The following TMEM19 variants were observed in gnomAD, a reference collection of about 807,000 sequenced individuals.
The protein encoded by TMEM19 is transmembrane protein 19.
TMEM19 carries 21 observed loss-of-function variants against 33.6 expected under a neutral mutation model. The observed-to-expected ratio is 0.62, with a 90% CI of 0.44 to 0.90. The LOEUF (loss-of-function observed/expected upper bound fraction) is 0.90. TMEM19 is among the 40% of genes least tolerant of loss of function. The pLI, the probability that TMEM19 is intolerant of heterozygous loss-of-function variation, is 0.00. For synonymous variants in TMEM19, 149 were observed against 147.5 expected, an observed-to-expected ratio of 1.01 and a Z score of -0.07; for missense variants, 402 against 401.8, an observed-to-expected ratio of 1.00 and a Z score of 0.00.
intron 1 of TMEM19, among the ~76,000 whole-genome samples, chr12:71,689,213 A>G (rs895980601): frequency 2.6e-5 from 4 of 152,060 alleles, no homozygotes; most frequent in African/African-American, 9.7e-5. Flanking sequence ...CCATATTTTT[A>G]CTCTACTTTT....
rs368170469 is a variant in TMEM19 at position 71,701,000 on chromosome 12, T to C, written c.*5T>C. The C allele has an allele frequency of 3.4e-5, 55 of 1,602,026 alleles. No homozygotes were observed. The highest frequency in any genetic ancestry group is 4.7e-5 in the Non-Finnish European group (55 of 1,174,466). ...GGTTTTTGGCCCAGGGGGTGAACTT[T>C]ATTTCATTTCCACAGGTTGAAACTG... On this transcript the variant is annotated 3_prime_UTR_variant, in exon 6 of 6. Coordinates refer to ENST00000266673, the MANE Select transcript of TMEM19 (RefSeq NM_018279.4).
chr12:71,694,007 G>T (rs1043612617), intron 2 of TMEM19, among the ~76,000 whole-genome samples: 2 of 152,164 alleles, frequency 1.3e-5, no homozygotes, highest in Non-Finnish European at 2.9e-5. Flanking sequence ...CGTGACAGCA[G>T]ACTAATACAC....
intron 2 of TMEM19, 104 bp from the exon 3 acceptor site, chr12:71,696,332 C>T: frequency 9.4e-7 from 1 of 1,064,324 alleles, no homozygotes; most frequent in Non-Finnish European, 1.3e-6. Flanking sequence ...TAGAAATGTA[C>T]ATTTCAGGTT....
At chr12:71,691,911 A>G (rs1881792511) in intron 2 of TMEM19, among the ~76,000 whole-genome samples, 1 of 152,132 alleles carries the variant, frequency 6.6e-6, no homozygotes, top group Non-Finnish European at 1.5e-5. Context: ...TGCTGCTAGA[A>G]GGGCTGCCTT....
chr12:71,693,365 C>T (rs1271899971), intron 2 of TMEM19, among the ~76,000 whole-genome samples: 1 of 151,952 alleles, frequency 6.6e-6, no homozygotes, highest in Non-Finnish European at 1.5e-5. Flanking sequence ...CCCAGCTTTT[C>T]TTACTGTTTG....
chr12:71,693,024 G>C (rs1045308486), intron 2 of TMEM19, among the ~76,000 whole-genome samples: 1 of 151,690 alleles, frequency 6.6e-6, no homozygotes, highest in Non-Finnish European at 1.5e-5. Context: ...GTGAAACCTC[G>C]TCTCTACTAA....
At chr12:71,693,049 G>T (rs896817701) in intron 2 of TMEM19, among the ~76,000 whole-genome samples, 1 of 151,878 alleles carries the variant, frequency 6.6e-6, no homozygotes, top group African/African-American at 2.4e-5. Flanking sequence ...ACAAATATTA[G>T]CCAGGCATGG....
chr12:71,697,737 TAGCAAGACCTAGATA>T (rs1881900274), intron 4 of TMEM19, among the ~76,000 whole-genome samples: 1 of 152,204 alleles, frequency 6.6e-6, no homozygotes, highest in African/African-American at 2.4e-5. Flanking sequence ...CAGGAAATGT[TAGCAAGACCTAGATA>T]AGCAATACAG....
At chr12:71,688,745 A>G (rs1480746644) in intron 1 of TMEM19, among the ~76,000 whole-genome samples, 1 of 152,224 alleles carries the variant, frequency 6.6e-6, no homozygotes, top group Non-Finnish European at 1.5e-5. Context: ...AACAGAAGCC[A>G]AGAATCTGGA....
intron 2 of TMEM19, among the ~76,000 whole-genome samples, chr12:71,693,081 G>C (rs1371642376): frequency 6.6e-6 from 1 of 151,992 alleles, no homozygotes; most frequent in Non-Finnish European, 1.5e-5. Flanking sequence ...TGTAATCCCA[G>C]GTACTTGGGA....
intron 5 of TMEM19, 91 bp from the exon 6 acceptor site, chr12:71,700,741 A>T: frequency 2.3e-6 from 3 of 1,290,212 alleles, no homozygotes; most frequent in Non-Finnish European, 3.1e-6. Flanking sequence ...CCTAGAACTT[A>T]AAGTATAATA....
intron 4 of TMEM19, among the ~76,000 whole-genome samples, chr12:71,697,882 A>T (rs1881902816): frequency 1.3e-5 from 2 of 152,182 alleles, no homozygotes; most frequent in Admixed American, 1.3e-4. Context: ...ATTCTCCATT[A>T]TCAACATTAT....
intron 5 of TMEM19, among the ~76,000 whole-genome samples, chr12:71,700,026 G>A (rs1881948768): frequency 6.6e-6 from 1 of 152,100 alleles, no homozygotes; most frequent in Non-Finnish European, 1.5e-5. Context: ...GGAAGAGGTT[G>A]GAAGGCTAGA....
intron 1 of TMEM19, 137 bp downstream of exon 1, chr12:71,686,947 T>A: frequency 1.3e-6 from 1 of 757,974 alleles, no homozygotes; most frequent in Non-Finnish European, 2.0e-6. Flanking sequence ...TAGCCTGATT[T>A]AACTTACTAA....
chr12:71,694,524 C>T (rs10784930), intron 2 of TMEM19, among the ~76,000 whole-genome samples: 66,685 of 152,096 alleles, frequency 0.44, 19,775 homozygotes, highest in East Asian at 0.82. Context: ...AATGCCACTT[C>T]ATTAATCAGA....
Position 71,696,849 on chromosome 12 carries a change from G to A in TMEM19, c.382+276G>A, listed in dbSNP as rs113284706. On this transcript the variant is annotated intron_variant, in intron 3 of 5. Transcript: ENST00000266673. ...TTTTTAGTAGAGACGGGGTTTCACC[G>A]TATTAGCCAGGATGGTCGCAATCTC... 5.2e-3 allele frequency among the ~76,000 whole-genome samples: 796 copies of A among 152,008 alleles called. 3 individuals carry two copies. Among genetic ancestry groups the A allele is most frequent in the African/African-American group, 0.018 (742 of 41,478 alleles).
At position 71,700,817 on chromosome 12, in the gene TMEM19, C is replaced by A. The variant is rs1486860141; in HGVS notation, c.848-15C>A. 17 of 1,531,984 alleles carry A rather than the reference C, an allele frequency of 1.1e-5. No individual in the cohort carries two copies. Among genetic ancestry groups the A allele is most frequent in the Non-Finnish European group, 1.5e-5 (17 of 1,141,406 alleles). The allele number at this position is 1,531,984 out of a possible 1,614,324, so 94.9% of individuals were successfully genotyped here. A position where few individuals can be genotyped will look rare whatever the true frequency, so the allele number is the denominator to read the frequency against. ...TTTGGGTTTTCTATCTCACTTGCTTCTTTTTCCATTCCAGGGTTGGATGAA... is the reference window on the plus strand; with the variant it reads ...TTTGGGTTTTCTATCTCACTTGCTTATTTTTCCATTCCAGGGTTGGATGAA... On this transcript the variant is annotated splice_polypyrimidine_tract_variant and intron_variant, in intron 5 of 5. Coordinates refer to ENST00000266673, the MANE Select transcript of TMEM19 (RefSeq NM_018279.4).
rs117939453 is a variant in TMEM19, at chr12:71,697,951, A to G, written c.637+417A>G. Among the ~76,000 whole-genome samples, 74 of 152,330 alleles carry G rather than the reference A, an allele frequency of 4.9e-4. No homozygotes were observed. The East Asian group carries it at 0.012, about 24-fold the overall frequency. ...AAAATCCAAAATCCAAAATGCTCCA[A>G]AATCTCAAACTTTTTGAACACTGAC... On this transcript the variant is annotated intron_variant, in intron 4 of 5. Transcript: ENST00000266673.
intron 3 of TMEM19, 105 bp from the exon 4 acceptor site, chr12:71,697,175 G>T (rs973030268): frequency 4.1e-6 from 6 of 1,449,880 alleles, no homozygotes; most frequent in African/African-American, 1.5e-5. Context: ...AAATTTTTTT[G>T]TTGTTTTTCT....
Sources: allele counts gnomAD v4.1 joint callset (sites outside exome capture counted in the v4.1 genomes callset), GRCh38; gene constraint gnomAD v4.1.1; transcripts MANE v1.5; gene names NCBI Gene and HGNC (gene_info 2026-07-23, HGNC 2026-07-21).